Variants in ESD observed in about 807,000 individuals in gnomAD.
ESD encodes esterase D.
Under a neutral mutation model 38.1 loss-of-function variants are expected in ESD, and 34 were observed. That is an observed-to-expected ratio of 0.89 (90% CI 0.68 to 1.19). ESD has a LOEUF of 1.19. ESD is among the 50% of genes most tolerant of loss of function. The pLI, the probability that ESD is intolerant of heterozygous loss-of-function variation, is 0.00. For missense variants in ESD, 334 were observed against 327.2 expected, an observed-to-expected ratio of 1.02 and a Z score of -0.16; for synonymous variants, 97 against 107.0, an observed-to-expected ratio of 0.91 and a Z score of 0.58.
chr13:46,781,392 G>A, intron 7 of ESD, 104 bp downstream of exon 7: 1 of 1,085,244 alleles, frequency 9.2e-7, no homozygotes, highest in East Asian at 2.8e-5. Flanking sequence ...CACTAGAAAA[G>A]TTTAGTTCCA....
At chr13:46,774,874 A>G (rs1874733695) in intron 9 of ESD, among the ~76,000 whole-genome samples, 1 of 152,194 alleles carries the variant, frequency 6.6e-6, no homozygotes, top group Non-Finnish European at 1.5e-5. Context: ...GAGATGAATG[A>G]GAGAGCTCTA....
At chr13:46,780,861 T>C (rs556337571) in intron 7 of ESD, among the ~76,000 whole-genome samples, 1 of 151,888 alleles carries the variant, frequency 6.6e-6, no homozygotes, top group African/African-American at 2.4e-5. Context: ...TTTAAGGGCA[T>C]GAACAGCCCT....
rs1593409270 is a variant in ESD, at chr13:46,786,943, TTAAAA to T, written c.157+73_157+77del. 5 of 869,148 alleles carry T rather than the reference TTAAAA, an allele frequency of 5.8e-6. No homozygotes were observed. In the East Asian group the frequency reaches 1.4e-4, roughly 25 times the overall value. 53.8% of individuals were successfully genotyped at this position (869,148 alleles called of 1,614,324 possible). On this transcript the variant is annotated intron_variant, in intron 4 of 9. Transcript: ENST00000378720. ...TAAATGGCTCAAAAAGCCTACCAAGTTAAAATAAAAGGGTAAGATAAGCCAGTTAA... is the reference window on the plus strand; with the variant it reads ...TAAATGGCTCAAAAAGCCTACCAAGTTAAAAGGGTAAGATAAGCCAGTTAA...
intron 8 of ESD, among the ~76,000 whole-genome samples, chr13:46,778,038 T>C (rs1239526296): frequency 1.3e-5 from 2 of 151,748 alleles, no homozygotes; most frequent in African/African-American, 4.8e-5. Flanking sequence ...ATATTCTCTA[T>C]TTCAGATAAT....
intron 8 of ESD, among the ~76,000 whole-genome samples, chr13:46,779,649 G>GC (rs1266057151): frequency 2.0e-5 from 3 of 148,046 alleles, no homozygotes; most frequent in Admixed American, 1.4e-4. Flanking sequence ...AAAAAATATA[G>GC]CCCCAGAATA....
At chr13:46,787,268 T>C (rs181929134) in intron 3 of ESD, among the ~76,000 whole-genome samples, 159 bp from the exon 4 acceptor site, 6 of 152,114 alleles carry the variant, frequency 3.9e-5, no homozygotes, top group Admixed American at 3.9e-4. Context: ...ATTTAACGAA[T>C]ATACTTGTCC....
At chr13:46,772,635 T>G (rs1333045351) in intron 9 of ESD, among the ~76,000 whole-genome samples, 1 of 152,082 alleles carries the variant, frequency 6.6e-6, no homozygotes, top group African/African-American at 2.4e-5. Context: ...TTCCCCTCCA[T>G]ATATCCATGT....
chr13:46,795,777 G>A (rs1457731010), intron 1 of ESD, among the ~76,000 whole-genome samples: 2 of 149,714 alleles, frequency 1.3e-5, no homozygotes, highest in Non-Finnish European at 3.0e-5. Context: ...TTTTGAGACA[G>A]GGTCAAACTC....
At position 46,792,146 on chromosome 13, in the gene ESD, T is replaced by C. The variant is rs149823620; in HGVS notation, c.-7-726A>G. On this transcript the variant is annotated intron_variant, in intron 2 of 9. Transcript: ENST00000378720. ...TTTAATGATAAATACAGGAAAAAAG[T>C]TGGAAAACTATCTTTATCATAAATG... 2.6e-3 allele frequency among the ~76,000 whole-genome samples: 392 copies of C among 152,192 alleles called. 1 individual carries two copies. The highest frequency in any genetic ancestry group is 0.01 in the Middle Eastern group (3 of 294).
intron 5 of ESD, among the ~76,000 whole-genome samples, chr13:46,783,521 T>C (rs1487101985): frequency 6.7e-6 from 1 of 148,692 alleles, no homozygotes; most frequent in African/African-American, 2.5e-5. Context: ...TCTTCGTTTA[T>C]GATAACAAAA....
chr13:46,792,816 G>T (rs1292666926), intron 2 of ESD, among the ~76,000 whole-genome samples: 1 of 151,972 alleles, frequency 6.6e-6, no homozygotes, highest in Admixed American at 6.5e-5. Flanking sequence ...TATAGAGAGA[G>T]ATACTAATTT....
At chr13:46,780,185 T>G (rs1234155258) in intron 7 of ESD, 152 bp from the exon 8 acceptor site, 2 of 529,172 alleles carry the variant, frequency 3.8e-6, no homozygotes, top group Non-Finnish European at 6.6e-6. Context: ...ATTTTCCTTT[T>G]GATATATTGC....
chr13:46,782,591 G>A lies in ESD; in HGVS notation c.381+76C>T, dbSNP rs1214937802. ...TTTATACCCTAGTTTAAAATCCTCA[G>A]GATTGTAAGGACTTTGTGTTCAAAA... On this transcript the variant is annotated intron_variant, in intron 6 of 9. Coordinates refer to ENST00000378720, the MANE Select transcript of ESD (RefSeq NM_001984.2). 1.7e-5 allele frequency: 26 copies of A among 1,519,852 alleles called. No homozygotes were observed. In the East Asian group the frequency reaches 5.4e-4, roughly 32 times the overall value. The allele number at this position is 1,519,852 out of a possible 1,614,324, so 94.1% of individuals were successfully genotyped here.
At chr13:46,777,157 G>T (rs973165718) in intron 9 of ESD, 11 of 188,912 alleles carry the variant, frequency 5.8e-5, no homozygotes, top group Non-Finnish European at 4.4e-5. Flanking sequence ...CATGTGTAAA[G>T]AAAGAAGTAT....
chr13:46,790,116 A>C (rs1022889943), intron 3 of ESD, among the ~76,000 whole-genome samples: 2 of 151,312 alleles, frequency 1.3e-5, no homozygotes, highest in African/African-American at 4.9e-5. Context: ...TGTTAGTATT[A>C]CAGGTGTAAG....
chr13:46,779,925 C>T lies in ESD; in HGVS notation c.600+10G>A. The T allele has an allele frequency of 6.3e-7, 1 of 1,585,116 alleles. No individual in the cohort carries two copies. Among genetic ancestry groups the T allele is most frequent in the Non-Finnish European group, 8.6e-7 (1 of 1,158,492 alleles). ...AAGAATGAGTATTAAGACAGCCATTCAGTACCTACCTTCCATTTACTTTGA... is the reference window on the plus strand; with the variant it reads ...AAGAATGAGTATTAAGACAGCCATTTAGTACCTACCTTCCATTTACTTTGA... On this transcript the variant is annotated intron_variant, in intron 8 of 9. Transcript: ENST00000378720.
At chr13:46,777,373 A>C (rs1040399547) in intron 9 of ESD, 83 bp downstream of exon 9, 1 of 1,141,582 alleles carries the variant, frequency 8.8e-7, no homozygotes, top group African/African-American at 1.6e-5. Flanking sequence ...TTATATTCTA[A>C]AATAAAGTTA....
At chr13:46,771,588 G>C in intron 9 of ESD, 92 bp from the exon 10 acceptor site, 1 of 763,392 alleles carries the variant, frequency 1.3e-6, no homozygotes, top group Non-Finnish European at 2.2e-6. Context: ...CGTTTAATTT[G>C]CTTACAAATA....
intron 3 of ESD, among the ~76,000 whole-genome samples, chr13:46,789,864 G>A (rs899180798): frequency 6.6e-6 from 1 of 151,752 alleles, no homozygotes; most frequent in Non-Finnish European, 1.5e-5. Flanking sequence ...CGCCCAGGCT[G>A]GAGTGCAGTG....
Sources: gnomAD v4.1 joint callset for allele counts (sites outside exome capture counted in the v4.1 genomes callset) on GRCh38, gnomAD v4.1.1 for gene constraint, MANE v1.5 for transcripts, NCBI Gene and HGNC (gene_info 2026-07-23, HGNC 2026-07-21) for gene names.